FSTL5: variants seen among roughly 807,000 people sequenced by gnomAD.
FSTL5 encodes the protein follistatin-related protein 5.
FSTL5 carries 62 observed loss-of-function variants against 89.1 expected under a neutral mutation model. That is an observed-to-expected ratio of 0.70 (90% CI 0.57 to 0.86). FSTL5 has a LOEUF of 0.86. FSTL5 is among the 40% of genes least tolerant of loss of function. FSTL5 has a pLI of 0.00. For missense variants in FSTL5, 1,057 were observed against 1,001.6 expected (o/e 1.06, Z -0.75); for synonymous variants, 383 against 346.2 (o/e 1.11, Z -1.18).
intron 3 of FSTL5, among the ~76,000 whole-genome samples, chr4:162,031,894 C>A (rs1457602649): frequency 1.3e-5 from 2 of 151,990 alleles, no homozygotes; most frequent in African/African-American, 4.8e-5. Flanking sequence ...GACGAGATAG[C>A]ACCATTGCAC....
At chr4:161,634,281 GA>G (rs1020616759) in intron 7 of FSTL5, among the ~76,000 whole-genome samples, 1 of 152,124 alleles carries the variant, frequency 6.6e-6, no homozygotes, top group Admixed American at 6.5e-5. Flanking sequence ...TAAAGAAAGG[GA>G]GAGACATTAT....
chr4:161,668,373 A>G (rs1343296986), intron 6 of FSTL5, among the ~76,000 whole-genome samples: 2 of 152,204 alleles, frequency 1.3e-5, no homozygotes, highest in Non-Finnish European at 2.9e-5. Context: ...CACATTACTT[A>G]TTAATCACCT....
intron 7 of FSTL5, among the ~76,000 whole-genome samples, chr4:161,625,499 T>A (rs1255485158): frequency 6.6e-6 from 1 of 152,074 alleles, no homozygotes; most frequent in Non-Finnish European, 1.5e-5. Context: ...ATTGCGTGTG[T>A]TCTTAATTGA....
At chr4:161,724,240 C>T (rs6834689) in intron 6 of FSTL5, among the ~76,000 whole-genome samples, 1 of 152,068 alleles carries the variant, frequency 6.6e-6, no homozygotes, top group African/African-American at 2.4e-5. Context: ...AATGCTAACA[C>T]GTCTTAAATA....
intron 6 of FSTL5, among the ~76,000 whole-genome samples, chr4:161,740,441 T>A (rs1739980278): frequency 6.6e-6 from 1 of 151,864 alleles, no homozygotes; most frequent in Admixed American, 6.6e-5. Context: ...GATAAGTATA[T>A]CTGACCCCAT....
rs71801352 is a variant in FSTL5, at chr4:162,143,748, A to ACCC, written c.-17+19864_-17+19866dup. On this transcript the variant is annotated intron_variant, in intron 1 of 15. Coordinates refer to ENST00000306100, the MANE Select transcript of FSTL5 (RefSeq NM_020116.5). ...CACACACACACACACACACACACAC[A>ACCC]CCCAGGAAAAAAGGTTACATTGTAT... Among the ~76,000 whole-genome samples, 437 of 127,742 alleles carry ACCC rather than the reference A, an allele frequency of 3.4e-3. 4 individuals are homozygous for ACCC. Among genetic ancestry groups the ACCC allele is most frequent in the African/African-American group, 0.014 (419 of 29,464 alleles). 83.8% of individuals were successfully genotyped at this position (127,742 alleles called of 152,430 possible).
chr4:161,992,382 A>G (rs1200634510), intron 3 of FSTL5, among the ~76,000 whole-genome samples: 8 of 152,162 alleles, frequency 5.3e-5, no homozygotes, highest in African/African-American at 1.9e-4. Context: ...TTTTGAAGGT[A>G]GAGACTAAGA....
intron 2 of FSTL5, among the ~76,000 whole-genome samples, chr4:162,073,184 TC>T (rs1262149845): frequency 1.3e-5 from 2 of 151,872 alleles, no homozygotes; most frequent in South Asian, 2.1e-4. Flanking sequence ...CATATTAACA[TC>T]CCATTATCTT....
intron 4 of FSTL5, among the ~76,000 whole-genome samples, chr4:161,897,405 G>C (rs1413487461): frequency 6.6e-6 from 1 of 151,154 alleles, no homozygotes; most frequent in East Asian, 1.9e-4. Context: ...CAAAAGGGGA[G>C]TTTTTGCTTG....
intron 1 of FSTL5, among the ~76,000 whole-genome samples, chr4:162,114,529 GACACACACACACACACACACACAC>G (rs9308041): frequency 6.7e-6 from 1 of 149,028 alleles, no homozygotes; most frequent in African/African-American, 2.5e-5. Flanking sequence ...TTTGTGTGTG[GACACACACACACACACACACACAC>G]ACACACACAC....
intron 12 of FSTL5, among the ~76,000 whole-genome samples, chr4:161,483,649 A>G (rs1729590847): frequency 6.6e-6 from 1 of 152,182 alleles, no homozygotes; most frequent in African/African-American, 2.4e-5. Flanking sequence ...CTCACTTTAC[A>G]ATAGCACTCT....
intron 2 of FSTL5, among the ~76,000 whole-genome samples, chr4:162,041,456 A>G (rs959015267): frequency 9.9e-5 from 15 of 152,106 alleles, no homozygotes; most frequent in African/African-American, 3.4e-4. Context: ...AAGAAATGTC[A>G]TTAGATTTAT....
In FSTL5 at chr4:161,386,241, C is replaced by G. The variant is rs773052243; in HGVS notation, c.2050G>C (p.Asp684His). 6.2e-7 allele frequency: 1 copy of G among 1,613,948 alleles called. No individual in the cohort carries two copies. Residue 684 changes from aspartate (D) to histidine (H), a missense_variant, in exon 16 of 16, where the codon GAC becomes CAC. Asp to His is a moderately conservative substitution (Grantham distance 81). Transcript: ENST00000306100. ...TCACTATTGAACCCAATGACTGAGTCAGTTACACCGTCCACCATGACCTGT... is the reference window on the plus strand; with the variant it reads ...TCACTATTGAACCCAATGACTGAGTGAGTTACACCGTCCACCATGACCTGT... ...SPQVMVDGVT[D>H]SVIGFNSDVT... is the part of the protein sequence containing the mutation.
At chr4:161,634,038 A>G (rs772696767) in intron 7 of FSTL5, among the ~76,000 whole-genome samples, 9 of 152,246 alleles carry the variant, frequency 5.9e-5, no homozygotes, top group African/African-American at 1.2e-4. Flanking sequence ...ACACAAATCA[A>G]CATTCTTATT....
At chr4:161,722,550 G>A (rs757135219) in intron 6 of FSTL5, among the ~76,000 whole-genome samples, 9 of 151,984 alleles carry the variant, frequency 5.9e-5, no homozygotes, top group Non-Finnish European at 1.2e-4. Context: ...TGAGTTTCTA[G>A]CACCTTTGAA....
chr4:161,596,521 G>A (rs1421490458), intron 7 of FSTL5, among the ~76,000 whole-genome samples: 1 of 151,784 alleles, frequency 6.6e-6, no homozygotes, highest in Non-Finnish European at 1.5e-5. Flanking sequence ...AAATAACCCT[G>A]CAAAAAGGTT....
At position 161,437,565 on chromosome 4, in the gene FSTL5, C is replaced by CAAAAAAAAAAAAAAAAA. The variant is rs56229701; in HGVS notation, c.1841+17422_1841+17438dup. On this transcript the variant is annotated intron_variant, in intron 15 of 15. Transcript: ENST00000306100. ...CTGGTGACAGAGTGAGACTCCGTCT[C>CAAAAAAAAAAAAAAAAA]AAAAAAAAAAAAAAAAACGAGGTCA... Among the ~76,000 whole-genome samples the CAAAAAAAAAAAAAAAAA allele has an allele frequency of 3.6e-3, 245 of 68,478 alleles. 22 individuals carry two copies. Among genetic ancestry groups the CAAAAAAAAAAAAAAAAA allele is most frequent in the Non-Finnish European group, 5.0e-3 (208 of 41,620 alleles). 44.9% of individuals were successfully genotyped at this position (68,478 alleles called of 152,430 possible).
At chr4:161,952,916 A>G (rs1376974068) in intron 3 of FSTL5, among the ~76,000 whole-genome samples, 1 of 151,782 alleles carries the variant, frequency 6.6e-6, no homozygotes, top group Non-Finnish European at 1.5e-5. Flanking sequence ...AAACATTCAG[A>G]AGTTACAAAA....
At chr4:161,528,060 C>T (rs955394502) in intron 10 of FSTL5, among the ~76,000 whole-genome samples, 16 of 149,040 alleles carry the variant, frequency 1.1e-4, no homozygotes, top group African/African-American at 2.5e-4. Context: ...AAACCAAACA[C>T]GGCATATTCT....
Sources: gnomAD v4.1 joint callset for allele counts (sites outside exome capture counted in the v4.1 genomes callset) on GRCh38, gnomAD v4.1.1 for gene constraint, MANE v1.5 for transcripts, NCBI Gene and HGNC (gene_info 2026-07-23, HGNC 2026-07-21) for gene names.